HIPK2: variants seen among roughly 807,000 people sequenced by gnomAD.
The protein encoded by HIPK2 is homeodomain interacting protein kinase 2.
HIPK2 carries 27 observed loss-of-function variants against 113.7 expected under a neutral mutation model. The observed-to-expected ratio is 0.24, with a 90% CI of 0.17 to 0.33. The LOEUF is 0.33. Ranked by LOEUF, HIPK2 falls within the 10% of genes least tolerant of loss-of-function variation. The probability of loss-of-function intolerance (pLI) is 1.00; values close to 1 mark genes in which losing one functional copy is unlikely to be tolerated. For missense variants in HIPK2, 1,257 were observed against 1,588.0 expected (o/e 0.79, Z 3.54); for synonymous variants, 631 against 642.2 (o/e 0.98, Z 0.26).
At chr7:139,611,054 C>T (rs1243472078) in intron 9 of HIPK2, among the ~76,000 whole-genome samples, 2 of 152,226 alleles carry the variant, frequency 1.3e-5, no homozygotes, top group Non-Finnish European at 2.9e-5. Context: ...TGCTCAGAGA[C>T]ACTGCTTTGG....
intron 12 of HIPK2, among the ~76,000 whole-genome samples, chr7:139,596,010 T>G (rs1396710228): frequency 1.3e-5 from 2 of 152,156 alleles, no homozygotes; most frequent in African/African-American, 4.8e-5. Flanking sequence ...ACTCTAGGGA[T>G]GCAGAAGGCC....
At chr7:139,701,309 A>C (rs1177755421) in intron 2 of HIPK2, among the ~76,000 whole-genome samples, 1 of 152,234 alleles carries the variant, frequency 6.6e-6, no homozygotes, top group African/African-American at 2.4e-5. Flanking sequence ...AACAGGGAAA[A>C]GCCAGGGACA....
chr7:139,724,337 AGGAG>A (rs1439582300), intron 1 of HIPK2, among the ~76,000 whole-genome samples: 2 of 152,180 alleles, frequency 1.3e-5, no homozygotes, highest in African/African-American at 4.8e-5. Context: ...ATATTTCACA[AGGAG>A]TACACAGATA....
In HIPK2 at chr7:139,562,768, C is replaced by T. The variant is rs573642245; in HGVS notation, c.*10159G>A. On this transcript the variant is annotated 3_prime_UTR_variant, in exon 15 of 15. Coordinates refer to ENST00000406875, the MANE Select transcript of HIPK2 (RefSeq NM_022740.5). ...GGACACAGCCCATGCACGTCCAAGA[C>T]ACCAGTCTTGACTCCGACCTCTAAA... 6.6e-6 allele frequency: 1 copy of T among 152,266 alleles called. No individual in the cohort carries two copies. The highest frequency in any genetic ancestry group is 2.1e-4 in the South Asian group (1 of 4,836). 9.4% of individuals were successfully genotyped at this position (152,266 alleles called of 1,614,324 possible). A position where few individuals can be genotyped will look rare whatever the true frequency, so the allele number is the denominator to read the frequency against.
chr7:139,754,501 G>A (rs1796333193), intron 1 of HIPK2, among the ~76,000 whole-genome samples: 2 of 152,198 alleles, frequency 1.3e-5, no homozygotes, highest in South Asian at 2.1e-4. Flanking sequence ...ACCAAAGCCA[G>A]GTTAGAATAT....
chr7:139,655,517 T>C (rs988921533), intron 2 of HIPK2, among the ~76,000 whole-genome samples: 1 of 152,162 alleles, frequency 6.6e-6, no homozygotes, highest in Non-Finnish European at 1.5e-5. Flanking sequence ...TTATCCGACG[T>C]GGCAGGGTCT....
At chr7:139,660,628 G>T (rs183119649) in intron 2 of HIPK2, among the ~76,000 whole-genome samples, 9 of 152,280 alleles carry the variant, frequency 5.9e-5, no homozygotes, top group Non-Finnish European at 1.0e-4. Flanking sequence ...ACAATCACTT[G>T]TTCTCAACAG....
intron 13 of HIPK2, chr7:139,583,575 G>C: frequency 1.9e-6 from 1 of 537,562 alleles, no homozygotes; most frequent in Non-Finnish European, 3.3e-6. Context: ...TGGAAGCAGA[G>C]CCATTGTAAA....
chr7:139,713,956 TCTC>T (rs1795143907), intron 2 of HIPK2, among the ~76,000 whole-genome samples: 1 of 152,146 alleles, frequency 6.6e-6, no homozygotes, highest in South Asian at 2.1e-4. Flanking sequence ...TGCCCATCCT[TCTC>T]CTCTGGAGAC....
Position 139,619,764 on chromosome 7 carries a change from T to C in HIPK2, c.1782+637A>G, listed in dbSNP as rs567241138. Among the ~76,000 whole-genome samples, 4 of 152,230 alleles carry C rather than the reference T, an allele frequency of 2.6e-5. No individual in the cohort carries two copies. The East Asian group carries it at 7.7e-4, about 29-fold the overall frequency. ...GATTAAATCCATGTTTCCATGATCT[T>C]TTTCTTTGTTTTTTGAGACGGGGTC... is the stretch of plus-strand genomic sequence containing the variant. On this transcript the variant is annotated intron_variant, in intron 7 of 14. Coordinates refer to ENST00000406875, the MANE Select transcript of HIPK2 (RefSeq NM_022740.5).
chr7:139,639,789 G>A (rs1800943215), intron 2 of HIPK2, among the ~76,000 whole-genome samples: 1 of 152,230 alleles, frequency 6.6e-6, no homozygotes, highest in Non-Finnish European at 1.5e-5. Flanking sequence ...TATGTCAAGT[G>A]CACACCCTCA....
chr7:139,688,660 T>C (rs1264977488), intron 2 of HIPK2, among the ~76,000 whole-genome samples: 1 of 152,242 alleles, frequency 6.6e-6, no homozygotes, highest in Non-Finnish European at 1.5e-5. Context: ...CTGAATAATG[T>C]GGCACAGGAT....
At chr7:139,597,460 G>A (rs1799263536) in intron 11 of HIPK2, among the ~76,000 whole-genome samples, 1 of 152,080 alleles carries the variant, frequency 6.6e-6, no homozygotes. Context: ...ATCAAGCTTT[G>A]GTTTCCTTGC....
intron 7 of HIPK2, among the ~76,000 whole-genome samples, chr7:139,615,883 T>A (rs988929562): frequency 6.6e-6 from 1 of 152,218 alleles, no homozygotes; most frequent in African/African-American, 2.4e-5. Flanking sequence ...TATTTTAAAG[T>A]GGGTGTGCTT....
chr7:139,703,672 T>A (rs1233068396), intron 2 of HIPK2, among the ~76,000 whole-genome samples: 1 of 145,834 alleles, frequency 6.9e-6, no homozygotes, highest in Non-Finnish European at 1.5e-5. Flanking sequence ...GCAGCACATG[T>A]AACCAACACA....
intron 2 of HIPK2, among the ~76,000 whole-genome samples, chr7:139,674,291 A>G (rs1240483649): frequency 6.6e-6 from 1 of 152,164 alleles, no homozygotes; most frequent in Non-Finnish European, 1.5e-5. Context: ...ATGTGGAGTG[A>G]GGTGGGTGTT....
chr7:139,608,906 A>G (rs1799720914), intron 9 of HIPK2, among the ~76,000 whole-genome samples: 1 of 152,240 alleles, frequency 6.6e-6, no homozygotes, highest in African/African-American at 2.4e-5. Flanking sequence ...GGAAACATTT[A>G]AAGGCTCAGT....
chr7:139,676,825 A>C (rs1329754427), intron 2 of HIPK2, among the ~76,000 whole-genome samples: 1 of 151,960 alleles, frequency 6.6e-6, no homozygotes, highest in Non-Finnish European at 1.5e-5. Flanking sequence ...TTGACAAATG[A>C]ACACAAGTAT....
chr7:139,621,855 C>T (rs552031695), intron 6 of HIPK2, among the ~76,000 whole-genome samples: 17 of 142,238 alleles, frequency 1.2e-4, no homozygotes, highest in Admixed American at 3.0e-4. Context: ...CCTGTGAGGT[C>T]GAGGCTACAG....
Sources: allele counts gnomAD v4.1 joint callset (sites outside exome capture counted in the v4.1 genomes callset), GRCh38; gene constraint gnomAD v4.1.1; transcripts MANE v1.5; gene names NCBI Gene and HGNC (gene_info 2026-07-23, HGNC 2026-07-21).